TTC39C: variants seen among roughly 807,000 people sequenced by gnomAD.
The protein encoded by TTC39C is tetratricopeptide repeat protein 39C.
TTC39C carries 33 observed loss-of-function variants against 76.3 expected under a neutral mutation model. The observed-to-expected ratio is 0.43, with a 90% CI of 0.33 to 0.58. The LOEUF is 0.58. Ranked by LOEUF, TTC39C falls within the 20% of genes least tolerant of loss-of-function variation. The probability of loss-of-function intolerance (pLI) is 0.04; values close to 1 mark genes in which losing one functional copy is unlikely to be tolerated. For synonymous variants in TTC39C, 254 were observed against 260.6 expected (o/e 0.97, Z 0.24); for missense variants, 595 against 701.4 (o/e 0.85, Z 1.71).
chr18:24,132,641 C>T lies in TTC39C; in HGVS notation c.*67C>T. ...CGCACTTTAAAATAAAAGCAGAGGA[C>T]AAAGCTCTTGTGAAGATGGGCTTTT... On this transcript the variant is annotated 3_prime_UTR_variant, in exon 14 of 14. Transcript: ENST00000317571. 1 of 1,384,822 alleles carries T rather than the reference C, an allele frequency of 7.2e-7. No homozygotes were observed. The highest frequency in any genetic ancestry group is 1.0e-6 in the Non-Finnish European group (1 of 998,616). The allele number at this position is 1,384,822 out of a possible 1,614,324, so 85.8% of individuals were successfully genotyped here.
chr18:24,013,199 C>T (rs1166865412), upstream of TTC39C, among the ~76,000 whole-genome samples: 4 of 152,212 alleles, frequency 2.6e-5, no homozygotes, highest in Non-Finnish European at 5.9e-5. Flanking sequence ...GCAGTGACTC[C>T]TGCATTACAA....
At chr18:24,122,263 A>G (rs1361317382) in intron 8 of TTC39C, among the ~76,000 whole-genome samples, 1 of 152,078 alleles carries the variant, frequency 6.6e-6, no homozygotes, top group Non-Finnish European at 1.5e-5. Flanking sequence ...TCACACCTGT[A>G]ATCCCAGCAC....
intron 8 of TTC39C, among the ~76,000 whole-genome samples, chr18:24,122,625 T>A (rs550121801): frequency 6.7e-6 from 1 of 149,416 alleles, no homozygotes; most frequent in Admixed American, 6.7e-5. Context: ...AGCATCAGAG[T>A]TGGGAGGAAA....
At position 24,099,133 on chromosome 18, in the gene TTC39C, TG is replaced by T. The variant is rs1468967378; in HGVS notation, c.985-15420del. 5.2e-4 allele frequency: 78 copies of T among 150,250 alleles called. 1 individual carries two copies. Among genetic ancestry groups the T allele is most frequent in the African/African-American group, 1.9e-3 (78 of 40,884 alleles). 9.3% of individuals were successfully genotyped at this position (150,250 alleles called of 1,614,324 possible). ...TAAAACGTGTGTGTGTGTGTGTGTG[TG>T]TGTGTGTGTATGTGTGTGTCTTAGT... On this transcript the variant is annotated intron_variant, in intron 6 of 13. Transcript: ENST00000317571.
At chr18:24,106,519 A>G (rs2084747077) in intron 6 of TTC39C, among the ~76,000 whole-genome samples, 3 of 152,150 alleles carry the variant, frequency 2.0e-5, no homozygotes, top group Non-Finnish European at 2.9e-5. Flanking sequence ...TCCTCTGCAC[A>G]TCCCTCTTCC....
intron 4 of TTC39C, 115 bp downstream of exon 4, chr18:24,069,386 G>C (rs2084208841): frequency 4.9e-6 from 4 of 817,372 alleles, no homozygotes; most frequent in Admixed American, 2.3e-5. Context: ...CACCTCTTTG[G>C]GGCATGATAC....
At chr18:24,031,131 T>G (rs1016927875) in intron 1 of TTC39C, among the ~76,000 whole-genome samples, 1 of 151,010 alleles carries the variant, frequency 6.6e-6, no homozygotes, top group Non-Finnish European at 1.5e-5. Flanking sequence ...ACTTTTTTTT[T>G]TTTTTAAGTA....
chr18:24,038,423 C>G (rs2083755658), intron 1 of TTC39C, among the ~76,000 whole-genome samples: 1 of 152,138 alleles, frequency 6.6e-6, no homozygotes, highest in Admixed American at 6.5e-5. Context: ...GCTGGAACCA[C>G]AGGCATGCAC....
chr18:24,070,908 T>G lies in TTC39C; in HGVS notation c.460+1637T>G, dbSNP rs187438305. ...AAAGCAAATGTAATAAAAGTTAAAG[T>G]GTGAGAATATATCAGAACTTTTTTG... On this transcript the variant is annotated intron_variant, in intron 4 of 13. Transcript: ENST00000317571. Among the ~76,000 whole-genome samples the G allele has an allele frequency of 2.0e-4, 31 of 152,124 alleles. 2 individuals are homozygous for G. Among genetic ancestry groups the G allele is most frequent in the Admixed American group, 2.0e-3 (30 of 15,282 alleles).
chr18:24,049,201 A>G (rs941938782), intron 1 of TTC39C, among the ~76,000 whole-genome samples: 20 of 152,238 alleles, frequency 1.3e-4, no homozygotes, highest in Non-Finnish European at 2.4e-4. Context: ...CTCAAATATT[A>G]ATCCTGTTTT....
In TTC39C at chr18:24,132,688, A is replaced by G; in HGVS notation, c.*114A>G. 1 of 757,766 alleles carries G rather than the reference A, an allele frequency of 1.3e-6. No homozygotes were observed. Among genetic ancestry groups the G allele is most frequent in the African/African-American group, 1.8e-5 (1 of 55,916 alleles). 46.9% of individuals were successfully genotyped at this position (757,766 alleles called of 1,614,324 possible). The stretch of plus-strand genomic sequence containing the variant: ...TTTTCTTCTGAAAACCACCTGTGCC[A>G]GGGACACATTTTCCCAGTTAAGCTG... On this transcript the variant is annotated 3_prime_UTR_variant, in exon 14 of 14. Coordinates refer to ENST00000317571, the MANE Select transcript of TTC39C (RefSeq NM_001135993.2).
intron 1 of TTC39C, among the ~76,000 whole-genome samples, chr18:24,049,481 C>G (rs2083923158): frequency 6.6e-6 from 1 of 152,186 alleles, no homozygotes; most frequent in South Asian, 2.1e-4. Flanking sequence ...TTCACTCATT[C>G]ATTTGCTTAT....
At chr18:24,083,574 AC>A (rs1469817651) in intron 6 of TTC39C, among the ~76,000 whole-genome samples, 2 of 152,182 alleles carry the variant, frequency 1.3e-5, no homozygotes, top group Non-Finnish European at 2.9e-5. Flanking sequence ...AGAACTTTAT[AC>A]ACGCTTTTCC....
intron 6 of TTC39C, among the ~76,000 whole-genome samples, chr18:24,107,710 C>T (rs1301468449): frequency 6.6e-6 from 1 of 152,198 alleles, no homozygotes; most frequent in Non-Finnish European, 1.5e-5. Flanking sequence ...ATAAATTATC[C>T]AGTCTCAGAT....
chr18:24,008,356 C>T (rs1001330642), intron 1 of TTC39C, among the ~76,000 whole-genome samples: 7 of 152,232 alleles, frequency 4.6e-5, no homozygotes, highest in African/African-American at 1.7e-4. Flanking sequence ...AAGGTATCTC[C>T]TTCTTCCTCC....
chr18:24,077,203 G>C (rs1328938516), intron 4 of TTC39C: 1 of 152,256 alleles, frequency 6.6e-6, no homozygotes, highest in African/African-American at 2.4e-5. Flanking sequence ...GCTCTCTCCT[G>C]GGGTGTTCCC....
At chr18:24,043,841 T>C (rs2083827674) in intron 1 of TTC39C, among the ~76,000 whole-genome samples, 1 of 152,210 alleles carries the variant, frequency 6.6e-6, no homozygotes, top group Admixed American at 6.5e-5. Context: ...TTAAGCTCAT[T>C]CACAGCAGGC....
chr18:24,095,120 T>G (rs149096211), intron 6 of TTC39C, among the ~76,000 whole-genome samples: 296 of 152,392 alleles, frequency 1.9e-3, no homozygotes, highest in African/African-American at 6.8e-3. Flanking sequence ...CACTTGCTGC[T>G]TCACCTTGCA....
intron 1 of TTC39C, among the ~76,000 whole-genome samples, chr18:24,047,220 A>G (rs2083896229): frequency 6.6e-6 from 1 of 151,566 alleles, no homozygotes; most frequent in Non-Finnish European, 1.5e-5. Flanking sequence ...CAGCCTCCCA[A>G]GTAGCTGGGA....
Sources: gnomAD v4.1 joint callset for allele counts (sites outside exome capture counted in the v4.1 genomes callset) on GRCh38, gnomAD v4.1.1 for gene constraint, MANE v1.5 for transcripts, NCBI Gene and HGNC (gene_info 2026-07-23, HGNC 2026-07-21) for gene names.